The following PGM2L1 variants were observed in gnomAD, a reference collection of about 807,000 sequenced individuals.
The protein encoded by PGM2L1 is phosphoglucomutase 2 like 1.
In PGM2L1, 35 loss-of-function variants were observed where a neutral mutation model predicts 73.4. That is an observed-to-expected ratio of 0.48 (90% CI 0.36 to 0.63). The LOEUF (loss-of-function observed/expected upper bound fraction) is 0.63, where lower values mean the gene tolerates loss of function less well. PGM2L1 is among the 30% of genes least tolerant of loss of function. The pLI is 0.00. For missense variants in PGM2L1, 570 were observed against 742.0 expected (o/e 0.77, Z 2.69); for synonymous variants, 225 against 253.8 (o/e 0.89, Z 1.08).
chr11:74,362,403 T>C (rs554965005), intron 5 of PGM2L1, among the ~76,000 whole-genome samples: 49 of 152,124 alleles, frequency 3.2e-4, no homozygotes, highest in African/African-American at 1.2e-3. Flanking sequence ...GCACTAAACA[T>C]GGAAAGGAAC....
chr11:74,337,484 A>G (rs956431756), intron 13 of PGM2L1, among the ~76,000 whole-genome samples: 1 of 152,222 alleles, frequency 6.6e-6, no homozygotes, highest in African/African-American at 2.4e-5. Context: ...ACAAAATAGT[A>G]TAGCTTGGTT....
At chr11:74,340,532 T>C (rs1295353396) in intron 12 of PGM2L1, among the ~76,000 whole-genome samples, 2 of 152,220 alleles carry the variant, frequency 1.3e-5, no homozygotes, top group African/African-American at 4.8e-5. Flanking sequence ...TTTTCCAAAA[T>C]ACATTATGTC....
intron 1 of PGM2L1, among the ~76,000 whole-genome samples, chr11:74,396,508 G>A (rs1863178889): frequency 6.6e-6 from 1 of 151,972 alleles, no homozygotes; most frequent in African/African-American, 2.4e-5. Context: ...TCCGCCTCCC[G>A]GGTTCAAGCC....
chr11:74,350,277 A>T (rs1862329406), intron 6 of PGM2L1, among the ~76,000 whole-genome samples: 2 of 152,208 alleles, frequency 1.3e-5, no homozygotes, highest in South Asian at 4.1e-4. Flanking sequence ...TAGGATAGGA[A>T]AAATACACTC....
At chr11:74,341,696 A>G (rs1191200605) in intron 12 of PGM2L1, among the ~76,000 whole-genome samples, 1 of 18,926 alleles carries the variant, frequency 5.3e-5, no homozygotes, top group Non-Finnish European at 1.2e-4. Context: ...TGTCTCAAGG[A>G]AAAAAAAAAA....
intron 1 of PGM2L1, among the ~76,000 whole-genome samples, chr11:74,380,224 T>C (rs1307340126): frequency 2.0e-5 from 3 of 152,204 alleles, no homozygotes; most frequent in East Asian, 3.8e-4. Flanking sequence ...TCTGAAAATC[T>C]GAAAGGTAAA....
intron 5 of PGM2L1, chr11:74,355,793 C>A: frequency 4.4e-6 from 2 of 457,176 alleles, no homozygotes; most frequent in Non-Finnish European, 8.8e-6. Context: ...CTATAGGTTA[C>A]AACAGATCTG....
At chr11:74,359,174 C>T (rs1366750409) in intron 5 of PGM2L1, among the ~76,000 whole-genome samples, 1 of 152,142 alleles carries the variant, frequency 6.6e-6, no homozygotes, top group East Asian at 1.9e-4. Flanking sequence ...ATAGATGAAT[C>T]ATAATTTATG....
chr11:74,397,289 C>G (rs1014967159), intron 1 of PGM2L1, among the ~76,000 whole-genome samples: 3 of 144,072 alleles, frequency 2.1e-5, no homozygotes, highest in African/African-American at 7.5e-5. Flanking sequence ...CATTTTAATT[C>G]TGATTGTCAC....
intron 5 of PGM2L1, among the ~76,000 whole-genome samples, chr11:74,351,945 G>A: frequency 6.9e-6 from 1 of 145,656 alleles, no homozygotes. Flanking sequence ...CTGAGCTACA[G>A]AGCGAGACTC....
At chr11:74,370,875 A>C in intron 4 of PGM2L1, 27 bp downstream of exon 4, 1 of 1,548,934 alleles carries the variant, frequency 6.5e-7, no homozygotes. Flanking sequence ...GCAGCAAGCT[A>C]TATGATCACC....
chr11:74,338,694 G>C, intron 12 of PGM2L1, 93 bp from the exon 13 acceptor site: 2 of 1,405,152 alleles, frequency 1.4e-6, no homozygotes, highest in Non-Finnish European at 1.9e-6. Context: ...CCACTTATAT[G>C]AGGTATCTAA....
chr11:74,389,956 A>AAAAAT (rs1863071863), intron 1 of PGM2L1, among the ~76,000 whole-genome samples: 2 of 128,482 alleles, frequency 1.6e-5, no homozygotes, highest in African/African-American at 2.9e-5. Flanking sequence ...ACAAAAAAAA[A>AAAAAT]AAAAAAAAAA....
chr11:74,393,784 G>C (rs628707), intron 1 of PGM2L1, among the ~76,000 whole-genome samples: 152,220 of 152,312 alleles, frequency 1, 76,066 homozygotes, highest in Middle Eastern at 1. Context: ...AGCAGCTCTA[G>C]CCTGTGTCCC....
rs1861996086 is a variant in PGM2L1, at chr11:74,330,559, C to T, written c.*6093G>A. 6.6e-6 allele frequency: 1 copy of T among 152,578 alleles called. No individual in the cohort carries two copies. The highest frequency in any genetic ancestry group is 1.5e-5 in the Non-Finnish European group (1 of 68,024). 9.5% of individuals were successfully genotyped at this position (152,578 alleles called of 1,614,324 possible). ...TCTTGACTGCATAAATTTTACCTGGCATATTCAATGAGGCATACAAAGAGT... is the reference window on the plus strand; with the variant it reads ...TCTTGACTGCATAAATTTTACCTGGTATATTCAATGAGGCATACAAAGAGT... On this transcript the variant is annotated 3_prime_UTR_variant, in exon 14 of 14. Coordinates refer to ENST00000298198, the MANE Select transcript of PGM2L1 (RefSeq NM_173582.6).
At position 74,351,519 on chromosome 11, in the gene PGM2L1, A is replaced by G; in HGVS notation, c.613T>C (p.Cys205Arg). 1 of 1,613,182 alleles carries G rather than the reference A, an allele frequency of 6.2e-7. No individual in the cohort carries two copies. Among genetic ancestry groups the G allele is most frequent in the Non-Finnish European group, 8.5e-7 (1 of 1,179,710 alleles). ...TSPHDKEILK[C>R]IEECVEPWNG... ...CAGGGTTCCACACATTCTTCTATACATTTTAGAATTTCTTTATCATGAGGA... is the reference window on the plus strand; with the variant it reads ...CAGGGTTCCACACATTCTTCTATACGTTTTAGAATTTCTTTATCATGAGGA... The change falls in exon 6 of 14, where the codon TGT becomes CGT. Residue 205 changes from cysteine (C) to arginine (R), a missense_variant. Transcript: ENST00000298198.
intron 12 of PGM2L1, 90 bp downstream of exon 12, chr11:74,342,371 C>T: frequency 9.8e-7 from 1 of 1,016,788 alleles, no homozygotes; most frequent in Middle Eastern, 2.5e-4. Flanking sequence ...TGGATTGAAT[C>T]TCATGTGAAA....
chr11:74,392,791 C>T (rs113236195), intron 1 of PGM2L1, among the ~76,000 whole-genome samples: 134 of 152,326 alleles, frequency 8.8e-4, no homozygotes, highest in African/African-American at 3.1e-3. Context: ...CCGCCCGCCT[C>T]GGCCTCCCAA....
intron 1 of PGM2L1, among the ~76,000 whole-genome samples, chr11:74,395,676 G>C (rs2134960380): frequency 6.8e-6 from 1 of 146,786 alleles, no homozygotes; most frequent in African/African-American, 2.5e-5. Flanking sequence ...CAGGGTGCTA[G>C]CATTACAAGC....
Sources: gnomAD v4.1 joint callset for allele counts (sites outside exome capture counted in the v4.1 genomes callset) on GRCh38, gnomAD v4.1.1 for gene constraint, MANE v1.5 for transcripts, NCBI Gene and HGNC (gene_info 2026-07-23, HGNC 2026-07-21) for gene names.